CAMK4: variants seen among roughly 807,000 people sequenced by gnomAD.
The protein encoded by CAMK4 is calcium/calmodulin-dependent protein kinase type IV.
Under a neutral mutation model 44.9 loss-of-function variants are expected in CAMK4, and 22 were observed. That is an observed-to-expected ratio of 0.49 (90% CI 0.35 to 0.70). CAMK4 has a LOEUF of 0.70. CAMK4 is among the 30% of genes least tolerant of loss of function. The pLI, the probability that CAMK4 is intolerant of heterozygous loss-of-function variation, is 0.01. For synonymous variants in CAMK4, 218 were observed against 215.4 expected (o/e 1.01, Z -0.11); for missense variants, 498 against 586.8 (o/e 0.85, Z 1.56).
chr5:111,285,771 G>GT (rs1310788463), intron 1 of CAMK4, among the ~76,000 whole-genome samples: 7 of 152,286 alleles, frequency 4.6e-5, no homozygotes, highest in African/African-American at 1.2e-4. Flanking sequence ...TAAAATTAGT[G>GT]TTTTTTATCA....
At chr5:111,461,723 C>G (rs1754647921) in intron 7 of CAMK4, among the ~76,000 whole-genome samples, 1 of 142,584 alleles carries the variant, frequency 7.0e-6, no homozygotes, top group Non-Finnish European at 1.5e-5. Flanking sequence ...CCCAGAGGCA[C>G]AGTTTAGAGA....
intron 4 of CAMK4, among the ~76,000 whole-genome samples, chr5:111,387,383 C>T (rs1056290228): frequency 1.2e-4 from 18 of 152,110 alleles, no homozygotes; most frequent in Non-Finnish European, 2.5e-4. Flanking sequence ...GAAACAAATA[C>T]CCCATTTTAA....
rs1279826155 is a variant in CAMK4 at position 111,485,332 on chromosome 5, C to T, written c.*866C>T. 1 of 152,116 alleles carries T rather than the reference C, an allele frequency of 6.6e-6. No homozygotes were observed. Among genetic ancestry groups the T allele is most frequent in the Non-Finnish European group, 1.5e-5 (1 of 68,016 alleles). 9.4% of individuals were successfully genotyped at this position (152,116 alleles called of 1,614,324 possible). A position where few individuals can be genotyped will look rare whatever the true frequency, so the allele number is the denominator to read the frequency against. On this transcript the variant is annotated 3_prime_UTR_variant, in exon 11 of 11. Transcript: ENST00000282356. Reference sequence around the variant, plus strand: ...TTTTCCAGATAAAATTGTATTTACTCATGAATTTATACAACTTTACAGATA... The same window carrying T: ...TTTTCCAGATAAAATTGTATTTACTTATGAATTTATACAACTTTACAGATA...
At chr5:111,397,763 G>C (rs1179165447) in intron 5 of CAMK4, among the ~76,000 whole-genome samples, 2 of 150,442 alleles carry the variant, frequency 1.3e-5, no homozygotes, top group Non-Finnish European at 3.0e-5. Context: ...TTGTCTAACA[G>C]ATTTCTTTTT....
At chr5:111,387,120 A>G (rs1751632721) in intron 4 of CAMK4, among the ~76,000 whole-genome samples, 1 of 152,240 alleles carries the variant, frequency 6.6e-6, no homozygotes, top group Non-Finnish European at 1.5e-5. Flanking sequence ...AGTTTACTAA[A>G]TCTCAAGAGA....
At chr5:111,349,494 T>C (rs2112767108) in intron 2 of CAMK4, among the ~76,000 whole-genome samples, 1 of 152,086 alleles carries the variant, frequency 6.6e-6, no homozygotes, top group African/African-American at 2.4e-5. Context: ...TTTATTGTTG[T>C]TAAATGATGA....
At chr5:111,419,415 T>A (rs1400168188) in intron 5 of CAMK4, among the ~76,000 whole-genome samples, 2 of 152,212 alleles carry the variant, frequency 1.3e-5, no homozygotes, top group Non-Finnish European at 2.9e-5. Context: ...CTGATGGTAG[T>A]TTCTTTTGCT....
At position 111,394,692 on chromosome 5, in the gene CAMK4, C is replaced by G; in HGVS notation, c.387-18C>G. 4.4e-6 allele frequency: 7 copies of G among 1,581,988 alleles called. No homozygotes were observed. The highest frequency in any genetic ancestry group is 6.1e-6 in the Non-Finnish European group (7 of 1,154,058). On this transcript the variant is annotated intron_variant, in intron 4 of 10. Coordinates refer to ENST00000282356, the MANE Select transcript of CAMK4 (RefSeq NM_001744.6). ...GAATGAATGTGCCTGAGAAGCATTTCCTTTCTTTTTGTTCCAGGATTGTGG... is the reference window on the plus strand; with the variant it reads ...GAATGAATGTGCCTGAGAAGCATTTGCTTTCTTTTTGTTCCAGGATTGTGG...
intron 5 of CAMK4, among the ~76,000 whole-genome samples, chr5:111,426,739 C>G (rs73787175): frequency 0.012 from 1,794 of 152,284 alleles, 37 homozygotes; most frequent in African/African-American, 0.041. Flanking sequence ...TCAGTGCTGT[C>G]CTGTTAGAGC....
intron 1 of CAMK4, among the ~76,000 whole-genome samples, chr5:111,233,187 C>G (rs1458404253): frequency 2.6e-5 from 4 of 152,170 alleles, no homozygotes; most frequent in Non-Finnish European, 4.4e-5. Context: ...CTGCTCCTCC[C>G]CAGTTGCATG....
At chr5:111,378,642 T>G (rs1338303631) in intron 4 of CAMK4, among the ~76,000 whole-genome samples, 1 of 152,180 alleles carries the variant, frequency 6.6e-6, no homozygotes, top group African/African-American at 2.4e-5. Flanking sequence ...TATAACATTT[T>G]GACTATTTTC....
chr5:111,438,129 G>A (rs781236982), intron 5 of CAMK4, among the ~76,000 whole-genome samples: 2 of 152,178 alleles, frequency 1.3e-5, no homozygotes, highest in Non-Finnish European at 2.9e-5. Context: ...AGTTGATGGA[G>A]AGATTACGTT....
intron 1 of CAMK4, among the ~76,000 whole-genome samples, chr5:111,256,000 A>G (rs1216398921): frequency 3.3e-5 from 5 of 152,216 alleles, no homozygotes; most frequent in Non-Finnish European, 7.3e-5. Flanking sequence ...ACACACATAT[A>G]TATAGCTGTA....
chr5:111,265,619 T>C (rs1750206204), intron 1 of CAMK4, among the ~76,000 whole-genome samples: 1 of 152,196 alleles, frequency 6.6e-6, no homozygotes, highest in Non-Finnish European at 1.5e-5. Flanking sequence ...TTATAAGGTA[T>C]GCACATGAGA....
At chr5:111,339,924 A>G (rs953636625) in intron 1 of CAMK4, among the ~76,000 whole-genome samples, 1 of 151,132 alleles carries the variant, frequency 6.6e-6, no homozygotes, top group Middle Eastern at 3.2e-3. Flanking sequence ...AGTTTTCAGT[A>G]TACAGATCTT....
At chr5:111,433,813 C>T (rs865951900) in intron 5 of CAMK4, among the ~76,000 whole-genome samples, 20 of 152,234 alleles carry the variant, frequency 1.3e-4, no homozygotes, top group East Asian at 7.7e-4. Context: ...CCCAGGATGA[C>T]GCACAGCCAC....
chr5:111,454,876 T>G (rs774323072), intron 7 of CAMK4, among the ~76,000 whole-genome samples: 7 of 151,958 alleles, frequency 4.6e-5, no homozygotes, highest in Non-Finnish European at 8.8e-5. Flanking sequence ...AAAAATTATA[T>G]CTAATACGAA....
intron 1 of CAMK4, among the ~76,000 whole-genome samples, chr5:111,225,699 AT>A (rs1300359834): frequency 6.6e-6 from 1 of 152,098 alleles, no homozygotes; most frequent in Admixed American, 6.6e-5. Context: ...CCAGAGCAGG[AT>A]TCTGGATGTT....
chr5:111,397,286 C>A (rs187134519), intron 5 of CAMK4, among the ~76,000 whole-genome samples: 1 of 152,118 alleles, frequency 6.6e-6, no homozygotes, highest in Non-Finnish European at 1.5e-5. Flanking sequence ...ATTAACCTAA[C>A]AGGATTGTGG....
Sources: gnomAD v4.1 joint callset for allele counts (sites outside exome capture counted in the v4.1 genomes callset) on GRCh38, gnomAD v4.1.1 for gene constraint, MANE v1.5 for transcripts, NCBI Gene and HGNC (gene_info 2026-07-23, HGNC 2026-07-21) for gene names.